Variants in CSMD1 observed in about 807,000 individuals in gnomAD.
CSMD1 encodes CUB and sushi domain-containing protein 1.
A neutral mutation model predicts 417.5 loss-of-function variants in CSMD1; 213 were observed. The ratio of observed to expected loss-of-function variants is 0.51; its 90% CI spans 0.46 to 0.57. The LOEUF is 0.57. Among genes scored for constraint, CSMD1 ranks in the 20% least tolerant of loss-of-function variants. The pLI is 0.00. For missense variants in CSMD1, 6,923 were observed against 4,529.7 expected, an observed-to-expected ratio of 1.53 and a Z score of -15.17; for synonymous variants, 2,862 against 1,736.8, an observed-to-expected ratio of 1.65 and a Z score of -16.11.
intron 3 of CSMD1, among the ~76,000 whole-genome samples, chr8:4,135,691 C>G (rs557473363): frequency 6.6e-6 from 1 of 151,956 alleles, no homozygotes; most frequent in African/African-American, 2.4e-5. Context: ...GCTTATTAGT[C>G]AGGATATTAT....
At chr8:4,192,696 C>T (rs1799100445) in intron 3 of CSMD1, among the ~76,000 whole-genome samples, 1 of 152,200 alleles carries the variant, frequency 6.6e-6, no homozygotes, top group Non-Finnish European at 1.5e-5. Context: ...ATCTGTATTG[C>T]TCACCAACAT....
At chr8:4,409,592 G>T (rs1166063719) in intron 3 of CSMD1, among the ~76,000 whole-genome samples, 1 of 150,668 alleles carries the variant, frequency 6.6e-6, no homozygotes, top group Admixed American at 6.6e-5. Flanking sequence ...AATTTGTTCT[G>T]TGTACTCTGA....
intron 1 of CSMD1, among the ~76,000 whole-genome samples, chr8:4,938,098 A>G (rs1243218732): frequency 6.6e-6 from 1 of 152,196 alleles, no homozygotes; most frequent in Non-Finnish European, 1.5e-5. Context: ...TTTAGTAGCA[A>G]CAAAGAATTT....
chr8:4,091,398 T>C (rs997653938), intron 3 of CSMD1, among the ~76,000 whole-genome samples: 2 of 152,222 alleles, frequency 1.3e-5, no homozygotes, highest in Non-Finnish European at 2.9e-5. Flanking sequence ...TGAATTTTAA[T>C]GAAGTTATCA....
At position 2,962,567 on chromosome 8, in the gene CSMD1, T is replaced by G; in HGVS notation, c.9527A>C (p.Glu3176Ala). ...TGGAGATTTGCACTGGAAGAAGACT[T>G]CGGACTTATAGGTGAAACTTTTCCC... is the stretch of plus-strand genomic sequence containing the variant. ...LSGKSFTYKS[E>A]VFFQCKSPFI... The change falls in exon 61 of 70, where the codon GAA becomes GCA. Residue 3176 changes from glutamate to alanine, a missense_variant. Coordinates refer to ENST00000635120, the MANE Select transcript of CSMD1 (RefSeq NM_033225.6). The G allele has an allele frequency of 6.2e-7, 1 of 1,613,898 alleles. No individual in the cohort carries two copies. Among genetic ancestry groups the G allele is most frequent in the East Asian group, 2.2e-5 (1 of 44,844 alleles).
intron 3 of CSMD1, among the ~76,000 whole-genome samples, chr8:4,244,921 A>C (rs1241527116): frequency 2.0e-5 from 3 of 152,228 alleles, no homozygotes; most frequent in Admixed American, 6.5e-5. Context: ...TAAATCTTCC[A>C]ATTTGTCATC....
chr8:3,504,731 G>C (rs544662962), intron 10 of CSMD1, among the ~76,000 whole-genome samples: 1 of 152,108 alleles, frequency 6.6e-6, no homozygotes, highest in Non-Finnish European at 1.5e-5. Flanking sequence ...CTCTATTGCA[G>C]TAGTGGTATT....
chr8:3,214,416 A>G, intron 30 of CSMD1, 81 bp downstream of exon 30: 1 of 1,227,352 alleles, frequency 8.1e-7, no homozygotes, highest in Non-Finnish European at 1.1e-6. Flanking sequence ...TACGTGTTGA[A>G]ATGTGAAACC....
intron 7 of CSMD1, among the ~76,000 whole-genome samples, chr8:3,707,622 C>A (rs1801246263): frequency 6.6e-6 from 1 of 152,158 alleles, no homozygotes; most frequent in Non-Finnish European, 1.5e-5. Context: ...ACTGTTATGA[C>A]ATGTGTAAGG....
intron 5 of CSMD1, among the ~76,000 whole-genome samples, chr8:3,957,863 T>G (rs73178012): frequency 0.042 from 6,330 of 152,300 alleles, 188 homozygotes; most frequent in Non-Finnish European, 0.059. Flanking sequence ...AGAGGCACAT[T>G]TGGAGCCGAT....
intron 26 of CSMD1, among the ~76,000 whole-genome samples, chr8:3,247,313 C>T (rs907153125): frequency 6.6e-6 from 1 of 152,180 alleles, no homozygotes; most frequent in Non-Finnish European, 1.5e-5. Flanking sequence ...ATTCTGCTAC[C>T]TGGACGCAGA....
At chr8:4,596,128 G>C (rs530824269) in intron 2 of CSMD1, among the ~76,000 whole-genome samples, 2 of 152,168 alleles carry the variant, frequency 1.3e-5, no homozygotes, top group South Asian at 2.1e-4. Flanking sequence ...TGTAGTTCCA[G>C]TATCTAAAAA....
At chr8:3,405,951 T>G in intron 15 of CSMD1, 76 bp downstream of exon 15, 1 of 1,391,686 alleles carries the variant, frequency 7.2e-7, no homozygotes, top group Non-Finnish European at 9.9e-7. Context: ...CTAACACAGT[T>G]TGTTGGTTTG....
At chr8:3,864,299 A>G (rs192636714) in intron 5 of CSMD1, among the ~76,000 whole-genome samples, 2 of 152,280 alleles carry the variant, frequency 1.3e-5, no homozygotes, top group Admixed American at 6.5e-5. Flanking sequence ...ATATTTGTTG[A>G]GCTCTTTTCC....
At chr8:3,607,202 G>A (rs899910534) in intron 8 of CSMD1, among the ~76,000 whole-genome samples, 2 of 152,122 alleles carry the variant, frequency 1.3e-5, no homozygotes, top group African/African-American at 4.8e-5. Context: ...GCCTAGGCCT[G>A]CACGACGTCA....
At chr8:3,900,435 G>A (rs1041380445) in intron 5 of CSMD1, among the ~76,000 whole-genome samples, 3 of 151,566 alleles carry the variant, frequency 2.0e-5, no homozygotes, top group Middle Eastern at 3.4e-3. Flanking sequence ...GTGTAGCTGG[G>A]TGACAGCACA....
chr8:4,379,674 C>T (rs35413625), intron 3 of CSMD1, among the ~76,000 whole-genome samples: 52,275 of 149,842 alleles, frequency 0.35, 9,365 homozygotes, highest in African/African-American at 0.43. Flanking sequence ...TTAGTTCTTA[C>T]AGGGGAAGAG....
intron 28 of CSMD1, among the ~76,000 whole-genome samples, chr8:3,221,199 C>A (rs1798191775): frequency 6.6e-6 from 1 of 152,160 alleles, no homozygotes; most frequent in Non-Finnish European, 1.5e-5. Context: ...GCCCAGCCTG[C>A]ATTATGCCAA....
chr8:3,679,403 G>C (rs1209108012), intron 7 of CSMD1, among the ~76,000 whole-genome samples: 2 of 152,060 alleles, frequency 1.3e-5, no homozygotes, highest in Non-Finnish European at 2.9e-5. Flanking sequence ...TGATAAAAGG[G>C]ACTTTAAACC....
Sources: gnomAD v4.1 joint callset for allele counts (sites outside exome capture counted in the v4.1 genomes callset) on GRCh38, gnomAD v4.1.1 for gene constraint, MANE v1.5 for transcripts, NCBI Gene and HGNC (gene_info 2026-07-23, HGNC 2026-07-21) for gene names.